The following LIMCH1 variants were observed in gnomAD, a reference collection of about 807,000 sequenced individuals.
LIMCH1 encodes the protein LIM and calponin homology domains 1, also known as LIM and calponin homology domains-containing protein 1.
LIMCH1 carries 113 observed loss-of-function variants against 176.5 expected under a neutral mutation model. That is an observed-to-expected ratio of 0.64 (90% CI 0.55 to 0.75). The LOEUF (loss-of-function observed/expected upper bound fraction) is 0.75, where lower values mean the gene tolerates loss of function less well. Among genes scored for constraint, LIMCH1 ranks in the 30% least tolerant of loss-of-function variants. The probability of loss-of-function intolerance (pLI) is 0.00; values close to 1 mark genes in which losing one functional copy is unlikely to be tolerated. For synonymous variants in LIMCH1, 619 were observed against 645.9 expected, an observed-to-expected ratio of 0.96 and a Z score of 0.63; for missense variants, 1,674 against 1,814.9, an observed-to-expected ratio of 0.92 and a Z score of 1.41.
intron 1 of LIMCH1, among the ~76,000 whole-genome samples, chr4:41,381,772 C>T (rs1177372237): frequency 6.6e-6 from 1 of 152,308 alleles, no homozygotes; most frequent in East Asian, 1.9e-4. Context: ...AATTGCCCCA[C>T]TTGCCCCAGA....
chr4:41,596,624 C>G (rs1390744932), intron 1 of LIMCH1, among the ~76,000 whole-genome samples: 1 of 152,082 alleles, frequency 6.6e-6, no homozygotes, highest in African/African-American at 2.4e-5. Flanking sequence ...CCACTTTTTT[C>G]AATCCTTGCT....
At chr4:41,432,911 A>G (rs1347339151) in intron 1 of LIMCH1, among the ~76,000 whole-genome samples, 3 of 152,238 alleles carry the variant, frequency 2.0e-5, no homozygotes, top group African/African-American at 7.2e-5. Flanking sequence ...TCAACCCAAA[A>G]TAAAACTGAA....
chr4:41,620,896 G>A (rs1459036646), intron 7 of LIMCH1, among the ~76,000 whole-genome samples: 2 of 152,234 alleles, frequency 1.3e-5, no homozygotes, highest in Non-Finnish European at 2.9e-5. Flanking sequence ...TTAAATGAAG[G>A]TGAAGAGTGA....
At chr4:41,574,580 T>C (rs13103708) in intron 1 of LIMCH1, among the ~76,000 whole-genome samples, 60,323 of 151,810 alleles carry the variant, frequency 0.4, 17,924 homozygotes, top group African/African-American at 0.84. Flanking sequence ...TGAGCCACTG[T>C]GCCCATCTCT....
chr4:41,495,310 T>A (rs1318794805), intron 2 of LIMCH1, among the ~76,000 whole-genome samples: 1 of 152,238 alleles, frequency 6.6e-6, no homozygotes, highest in African/African-American at 2.4e-5. Flanking sequence ...TGAGGTGAAA[T>A]GTACATACAA....
Position 41,684,489 on chromosome 4 carries a change from A to G in LIMCH1, c.3938A>G (p.His1313Arg), listed in dbSNP as rs751013185. Residue 1313 changes from histidine (H) to arginine (R), a missense_variant, in exon 27 of 32, where the codon CAC (histidine) becomes CGC (arginine). Physicochemically the swap from His to Arg is conservative, Grantham distance 29. Coordinates refer to ENST00000503057, the MANE Select transcript of LIMCH1 (RefSeq NM_001330672.2). ...HQLDTEAGAP[H>R]CGTNPQLAQD... ...CTGGATACCGAGGCTGGGGCCCCAC[A>G]CTGTGGAACAAACCCACAGCTTGCT... is the stretch of plus-strand genomic sequence containing the variant. 2 of 1,613,726 alleles carry G rather than the reference A, an allele frequency of 1.2e-6. No individual in the cohort carries two copies. The highest frequency in any genetic ancestry group is 3.3e-5 in the Admixed American group (2 of 59,996).
chr4:41,459,456 G>A (rs2065026145), intron 1 of LIMCH1, among the ~76,000 whole-genome samples: 1 of 152,004 alleles, frequency 6.6e-6, no homozygotes, highest in South Asian at 2.1e-4. Flanking sequence ...GTGTGCCAAT[G>A]CATCCAAATA....
intron 13 of LIMCH1, 89 bp downstream of exon 13, chr4:41,633,897 G>A (rs1037404290): frequency 1.5e-5 from 20 of 1,311,186 alleles, no homozygotes; most frequent in East Asian, 5.1e-5. Flanking sequence ...CCTCAGTGCC[G>A]CTTACCTGCT....
intron 2 of LIMCH1, among the ~76,000 whole-genome samples, chr4:41,501,025 C>T (rs1037112969): frequency 6.6e-6 from 1 of 152,114 alleles, no homozygotes; most frequent in Non-Finnish European, 1.5e-5. Flanking sequence ...TGAGGATCAT[C>T]AAAATCACCC....
chr4:41,388,788 A>G (rs1581381555), intron 1 of LIMCH1, among the ~76,000 whole-genome samples: 1 of 152,076 alleles, frequency 6.6e-6, no homozygotes, highest in South Asian at 2.1e-4. Flanking sequence ...GATTACAGGC[A>G]CCTGCCACCA....
intron 1 of LIMCH1, among the ~76,000 whole-genome samples, chr4:41,553,048 C>T (rs1025311831): frequency 6.6e-6 from 1 of 152,182 alleles, no homozygotes; most frequent in East Asian, 1.9e-4. Context: ...ACCCTAGGTG[C>T]CACTGGTATA....
In LIMCH1 at chr4:41,444,311, TATACACACACACACAC is replaced by T. The variant is rs2063037584; in HGVS notation, c.97-50223_97-50208del. Among the ~76,000 whole-genome samples the T allele has an allele frequency of 2.8e-4, 20 of 71,206 alleles. No individual in the cohort carries two copies. The South Asian group carries it at 3.6e-3, about 13-fold the overall frequency. The allele number at this position is 71,206 out of a possible 152,430, so 46.7% of individuals were successfully genotyped here. ...ATGTGTGTGAGTGTGTGTGTATATA[TATACACACACACACAC>T]ACACACACACACACACACACACACA... On this transcript the variant is annotated intron_variant, in intron 1 of 26. Transcript: ENST00000313860.
intron 21 of LIMCH1, among the ~76,000 whole-genome samples, chr4:41,668,444 A>G (rs1364296353): frequency 1.3e-5 from 2 of 151,228 alleles, no homozygotes; most frequent in Admixed American, 6.6e-5. Context: ...TGTGTAGATA[A>G]GTGGTATAGA....
Position 41,516,846 on chromosome 4 carries a change from C to T in LIMCH1, c.168-7563C>T, listed in dbSNP as rs559183517. Among the ~76,000 whole-genome samples, 331 of 152,334 alleles carry T rather than the reference C, an allele frequency of 2.2e-3. 2 individuals are homozygous for T. The highest frequency in any genetic ancestry group is 6.9e-3 in the African/African-American group (285 of 41,574). On this transcript the variant is annotated intron_variant, in intron 2 of 26. Transcript: ENST00000313860. The stretch of plus-strand genomic sequence containing the variant: ...GCTCTTCTTCCTTCTGCTGCCATCC[C>T]AGCAAGATCCGGAGGGAAGTATGTG...
intron 1 of LIMCH1, among the ~76,000 whole-genome samples, chr4:41,539,350 G>A (rs1421229080): frequency 2.0e-5 from 3 of 152,154 alleles, no homozygotes; most frequent in African/African-American, 4.8e-5. Context: ...CTGCGCGGGT[G>A]GGTTCCGCAC....
At position 41,641,291 on chromosome 4, in the gene LIMCH1, T is replaced by A. The variant is rs142359140; in HGVS notation, c.2126+2324T>A. ...CATCCCCAGACACACACCTCTTCAT[T>A]TGGGAGGCCAAGTCTAACCTGAACT... On this transcript the variant is annotated intron_variant, in intron 14 of 31. Coordinates refer to ENST00000503057, the MANE Select transcript of LIMCH1 (RefSeq NM_001330672.2). Among the ~76,000 whole-genome samples, 452 of 152,254 alleles carry A rather than the reference T, an allele frequency of 3.0e-3. 4 individuals are homozygous for A. The highest frequency in any genetic ancestry group is 0.01 in the African/African-American group (435 of 41,524).
intron 3 of LIMCH1, among the ~76,000 whole-genome samples, chr4:41,524,811 G>A (rs1359131274): frequency 6.6e-6 from 1 of 152,204 alleles, no homozygotes; most frequent in East Asian, 1.9e-4. Context: ...GTTCATCACT[G>A]CATTCCCCTA....
intron 1 of LIMCH1, among the ~76,000 whole-genome samples, chr4:41,377,837 A>T (rs527740049): frequency 6.6e-6 from 1 of 152,168 alleles, no homozygotes. Context: ...CTCTTGTGAT[A>T]ACTGACCCAC....
At chr4:41,655,353 G>T (rs1269696821) in intron 18 of LIMCH1, among the ~76,000 whole-genome samples, 3 of 152,158 alleles carry the variant, frequency 2.0e-5, no homozygotes, top group Non-Finnish European at 2.9e-5. Flanking sequence ...TACTGTCAGG[G>T]TGACTCAGAG....
Sources: gnomAD v4.1 joint callset for allele counts (sites outside exome capture counted in the v4.1 genomes callset) on GRCh38, gnomAD v4.1.1 for gene constraint, MANE v1.5 for transcripts, NCBI Gene and HGNC (gene_info 2026-07-23, HGNC 2026-07-21) for gene names.